CPB1: variants seen among roughly 807,000 people sequenced by gnomAD.
CPB1 encodes the protein carboxypeptidase B.
In CPB1, 53 loss-of-function variants were observed where a neutral mutation model predicts 51.4. The ratio of observed to expected loss-of-function variants is 1.03; its 90% CI spans 0.83 to 1.30. The LOEUF is 1.30. CPB1 is among the 50% of genes most tolerant of loss of function. CPB1 has a pLI of 0.00. For synonymous variants in CPB1, 189 were observed against 186.9 expected (o/e 1.01, Z -0.09); for missense variants, 494 against 516.2 (o/e 0.96, Z 0.42).
Position 148,859,930 on chromosome 3 carries a change from C to G in CPB1, c.1182C>G (p.Ile394Met), listed in dbSNP as rs61733983. The part of the protein sequence containing the change: ...RYGFLLPESQ[I>M]RATCEETFLA... ...GCTTTCTCCTTCCAGAATCCCAGAT[C>G]CGGGCTACCTGCGAGGAGACCTTCC... is the stretch of plus-strand genomic sequence containing the variant. The change falls in exon 11 of 11, where the codon ATC becomes ATG. Residue 394 changes from isoleucine (I) to methionine (M), a missense_variant. Transcript: ENST00000282957. 5.0e-4 allele frequency: 801 copies of G among 1,614,146 alleles called. 4 individuals are homozygous for G. In the African/African-American group the frequency reaches 9.8e-3, roughly 20 times the overall value.
At chr3:148,858,486 C>T (rs6772261) in intron 10 of CPB1, among the ~76,000 whole-genome samples, 7 of 151,724 alleles carry the variant, frequency 4.6e-5, no homozygotes, top group African/African-American at 7.3e-5. Context: ...GCAGGAGAAT[C>T]GTTTGAACCT....
At position 148,834,616 on chromosome 3, in the gene CPB1, A is replaced by C. The variant is rs776604667; in HGVS notation, c.266A>C (p.Gln89Pro). Residue 89 changes from glutamine to proline, a missense_variant, in exon 3 of 11, where the codon CAA (glutamine) becomes CCA (proline). Coordinates refer to ENST00000282957, the MANE Select transcript of CPB1 (RefSeq NM_001871.3). ...AATGTTCTAAAGCAGAATGAACTAC[A>C]ATACAAGTAAGTTTATGTTTTATAA... ...VENVLKQNEL[Q>P]YKVLISNLRN... The C allele has an allele frequency of 1.9e-6, 3 of 1,606,108 alleles. No individual in the cohort carries two copies. Among genetic ancestry groups the C allele is most frequent in the Admixed American group, 1.7e-5 (1 of 59,704 alleles).
Position 148,844,591 on chromosome 3 carries a change from A to T in CPB1, c.687+3A>T, listed in dbSNP as rs372764833. 5.0e-5 allele frequency: 80 copies of T among 1,612,054 alleles called. No homozygotes were observed. Among genetic ancestry groups the T allele is most frequent in the Non-Finnish European group, 6.7e-5 (79 of 1,178,256 alleles). ...GCTACATCTACACCTGGACCAAGGT[A>T]TATGCACCAATACTGAGAGAGGCTG... On this transcript the variant is annotated splice_donor_region_variant and intron_variant, in intron 7 of 10. Coordinates refer to ENST00000282957, the MANE Select transcript of CPB1 (RefSeq NM_001871.3).
At chr3:148,833,443 T>C (rs1712798328) in intron 2 of CPB1, among the ~76,000 whole-genome samples, 1 of 152,146 alleles carries the variant, frequency 6.6e-6, no homozygotes, top group South Asian at 2.1e-4. Context: ...TATTACCTTG[T>C]CAGTTTCTGC....
intron 3 of CPB1, among the ~76,000 whole-genome samples, chr3:148,840,450 C>T (rs1713040367): frequency 6.6e-6 from 1 of 152,144 alleles, no homozygotes; most frequent in African/African-American, 2.4e-5. Flanking sequence ...TGTGGAAGAT[C>T]CTACCTTGCT....
intron 9 of CPB1, among the ~76,000 whole-genome samples, chr3:148,852,127 T>G (rs1713451159): frequency 6.6e-6 from 1 of 152,246 alleles, no homozygotes; most frequent in Admixed American, 6.5e-5. Flanking sequence ...CAGAGGTGTT[T>G]AAAAGATAGC....
At chr3:148,853,599 A>G (rs562811929) in intron 9 of CPB1, among the ~76,000 whole-genome samples, 1 of 152,358 alleles carries the variant, frequency 6.6e-6, no homozygotes, top group African/African-American at 2.4e-5. Context: ...GCTAAGGATT[A>G]ATAAAGGCTG....
At chr3:148,841,025 T>G in intron 5 of CPB1, 50 bp downstream of exon 5, 1 of 1,435,726 alleles carries the variant, frequency 7.0e-7, no homozygotes, top group Non-Finnish European at 9.8e-7. Flanking sequence ...TTTAAATCAA[T>G]GAATTCTAAC....
intron 10 of CPB1, among the ~76,000 whole-genome samples, chr3:148,857,999 C>T (rs1713634064): frequency 6.6e-6 from 1 of 151,914 alleles, no homozygotes; most frequent in African/African-American, 2.4e-5. Flanking sequence ...CAGGGCCTTA[C>T]TAGGCACTAA....
rs138361361 is a variant in CPB1, at chr3:148,840,855, A to T, written c.373-19A>T. ...AACCAAGAATGCCACATTGATCTAC[A>T]AATGATTCCATTTGGTAGATAGAGG... On this transcript the variant is annotated intron_variant, in intron 4 of 10. Coordinates refer to ENST00000282957, the MANE Select transcript of CPB1 (RefSeq NM_001871.3). 6.2e-7 allele frequency: 1 copy of T among 1,612,972 alleles called. No individual in the cohort carries two copies. The highest frequency in any genetic ancestry group is 1.3e-5 in the African/African-American group (1 of 75,018).
intron 9 of CPB1, chr3:148,857,073 T>TTTTG (rs1559962599): frequency 2.0e-5 from 3 of 152,756 alleles, no homozygotes; most frequent in Non-Finnish European, 4.3e-5. Context: ...TTTTTTTTTT[T>TTTTG]TTTTTTTTTT....
At chr3:148,850,618 A>G (rs1360282304) in intron 9 of CPB1, among the ~76,000 whole-genome samples, 2 of 152,178 alleles carry the variant, frequency 1.3e-5, no homozygotes, top group African/African-American at 2.4e-5. Flanking sequence ...AGGCATTACT[A>G]AGATAGAAGT....
At chr3:148,852,470 G>A (rs148271412) in intron 9 of CPB1, among the ~76,000 whole-genome samples, 4 of 152,278 alleles carry the variant, frequency 2.6e-5, no homozygotes, top group Admixed American at 6.5e-5. Context: ...GAGTGCCAAG[G>A]TTGAGAAACT....
intron 9 of CPB1, chr3:148,854,860 C>A (rs1477134726): frequency 6.6e-6 from 1 of 152,176 alleles, no homozygotes; most frequent in African/African-American, 2.4e-5. Flanking sequence ...GGGCTCAATG[C>A]TTCCTAAGAG....
intron 2 of CPB1, among the ~76,000 whole-genome samples, chr3:148,829,739 G>A (rs1712677061): frequency 6.6e-6 from 1 of 152,048 alleles, no homozygotes; most frequent in Non-Finnish European, 1.5e-5. Flanking sequence ...CATTAAATAG[G>A]TCAGGAGTCA....
In CPB1 at chr3:148,828,002, CGAGAAGGTGT is replaced by C. The variant is rs1559955011; in HGVS notation, c.73_82del (p.Glu25SerfsTer13). 4 of 1,613,742 alleles carry C rather than the reference CGAGAAGGTGT, an allele frequency of 2.5e-6. No individual in the cohort carries two copies. The highest frequency in any genetic ancestry group is 1.7e-4 in the Middle Eastern group (1 of 6,058). On this transcript the variant is annotated frameshift_variant and splice_region_variant, in exon 2 of 11. Transcript: ENST00000282957. LOFTEE classifies it high-confidence loss of function. ...GTGCTTCTATTATCTCATTATTCAG[CGAGAAGGTGT>C]TCCGTGTTAACGTTGAAGATGAAAA...
chr3:148,850,333 G>A (rs544807904), intron 9 of CPB1, among the ~76,000 whole-genome samples: 8 of 151,980 alleles, frequency 5.3e-5, no homozygotes, highest in African/African-American at 9.7e-5. Flanking sequence ...ACGGAGTCTC[G>A]CTCTATCACC....
chr3:148,856,205 G>A (rs749789201), intron 9 of CPB1: 2 of 152,202 alleles, frequency 1.3e-5, no homozygotes, highest in Non-Finnish European at 2.9e-5. Context: ...AAAACTCTGA[G>A]AATAATGTTA....
intron 10 of CPB1, 66 bp downstream of exon 10, chr3:148,857,607 G>A (rs1302114731): frequency 8.1e-7 from 1 of 1,230,480 alleles, no homozygotes; most frequent in Non-Finnish European, 1.2e-6. Flanking sequence ...AGGTTCCTGG[G>A]GCCTTTCTTT....
Sources: gnomAD v4.1 joint callset for allele counts (sites outside exome capture counted in the v4.1 genomes callset) on GRCh38, gnomAD v4.1.1 for gene constraint, MANE v1.5 for transcripts, NCBI Gene and HGNC (gene_info 2026-07-23, HGNC 2026-07-21) for gene names.